Variants in MRAS observed in about 807,000 individuals in gnomAD.
MRAS encodes ras-related protein M-Ras.
Under a neutral mutation model 20.9 loss-of-function variants are expected in MRAS, and 4 were observed. The ratio of observed to expected loss-of-function variants is 0.19; its 90% confidence interval spans 0.09 to 0.44. MRAS has a LOEUF of 0.44. Ranked by LOEUF, MRAS falls within the 20% of genes least tolerant of loss-of-function variation. MRAS has a pLI of 0.99. For synonymous variants in MRAS, 98 were observed against 102.9 expected (o/e 0.95, Z 0.29); for missense variants, 154 against 277.5 (o/e 0.56, Z 3.16).
chr3:138,364,614 G>A (rs187691087), intron 1 of MRAS, among the ~76,000 whole-genome samples: 17 of 152,304 alleles, frequency 1.1e-4, no homozygotes, highest in Non-Finnish European at 1.6e-4. Flanking sequence ...GCTGGGGCAC[G>A]GACCCATATA....
intron 1 of MRAS, among the ~76,000 whole-genome samples, chr3:138,360,650 C>G (rs1215141948): frequency 6.6e-6 from 1 of 152,230 alleles, no homozygotes; most frequent in Non-Finnish European, 1.5e-5. Context: ...CTGCAGTCCT[C>G]TAGGTCCTGT....
chr3:138,397,499 G>T (rs748080077), intron 3 of MRAS, 22 bp downstream of exon 3: 84 of 1,613,408 alleles, frequency 5.2e-5, no homozygotes, highest in Non-Finnish European at 6.9e-5. Flanking sequence ...AGACAGGTGA[G>T]AGTACCGGGA....
chr3:138,348,732 C>T lies in MRAS; in HGVS notation c.-54C>T, dbSNP rs976022459. 7 of 151,620 alleles carry T rather than the reference C, an allele frequency of 4.6e-5. No individual in the cohort carries two copies. In the South Asian group the frequency reaches 1.0e-3, roughly 22 times the overall value. The allele number at this position is 151,620 out of a possible 1,614,324, so 9.4% of individuals were successfully genotyped here. A position where few individuals can be genotyped will look rare whatever the true frequency, so the allele number is the denominator to read the frequency against. On this transcript the variant is annotated 5_prime_UTR_variant, in exon 1 of 6. Transcript: ENST00000423968. ...CCGGCGCAGGCTAGGAGGGGGCGGC[C>T]TGAGTGCCGTAGCCGAGCCGGGGCT... is the stretch of plus-strand genomic sequence containing the variant.
chr3:138,391,024 A>G (rs1210888306), intron 2 of MRAS, among the ~76,000 whole-genome samples: 1 of 152,110 alleles, frequency 6.6e-6, no homozygotes, highest in African/African-American at 2.4e-5. Flanking sequence ...TTTTTCTCTG[A>G]TAAGAATTGC....
At chr3:138,393,633 A>G (rs566498042) in intron 2 of MRAS, among the ~76,000 whole-genome samples, 32 of 152,214 alleles carry the variant, frequency 2.1e-4, no homozygotes, top group African/African-American at 7.5e-4. Context: ...TTTAGATAGT[A>G]TATACCTTCA....
At chr3:138,379,223 A>G (rs1160717842) in intron 2 of MRAS, among the ~76,000 whole-genome samples, 1 of 151,574 alleles carries the variant, frequency 6.6e-6, no homozygotes, top group Non-Finnish European at 1.5e-5. Flanking sequence ...TCCACTCTCT[A>G]CCTCCATGAA....
chr3:138,372,929 CTGG>C lies in MRAS; in HGVS notation c.56_58del (p.Val19del), dbSNP rs1384235668. On this transcript the variant is annotated inframe_deletion, in exon 2 of 6. Coordinates refer to ENST00000423968, the MANE Select transcript of MRAS (RefSeq NM_001085049.3). ...CAGTGACAACCTCCCCACATACAAG[CTGG>C]TGGTGGTGGGGGATGGGGGTGTGGG... 6.4e-7 allele frequency: 1 copy of C among 1,556,070 alleles called. No homozygotes were observed. The highest frequency in any genetic ancestry group is 1.4e-5 in the African/African-American group (1 of 70,844).
chr3:138,386,402 G>C (rs1321796841), intron 2 of MRAS, among the ~76,000 whole-genome samples: 1 of 152,166 alleles, frequency 6.6e-6, no homozygotes, highest in Non-Finnish European at 1.5e-5. Context: ...ACTTAGCACA[G>C]TGTTTTACAG....
intron 2 of MRAS, among the ~76,000 whole-genome samples, chr3:138,374,667 G>T (rs934901541): frequency 1.3e-5 from 2 of 152,126 alleles, no homozygotes; most frequent in African/African-American, 4.8e-5. Context: ...GATCTTAAGG[G>T]GTAAGTGTTT....
chr3:138,397,512 A>G, intron 3 of MRAS, 35 bp downstream of exon 3: 1 of 1,611,430 alleles, frequency 6.2e-7, no homozygotes, highest in Non-Finnish European at 8.5e-7. Context: ...TACCGGGAAG[A>G]GGCCTGCGCC....
chr3:138,387,473 G>A (rs1199852147), intron 2 of MRAS, among the ~76,000 whole-genome samples: 1 of 152,206 alleles, frequency 6.6e-6, no homozygotes, highest in Admixed American at 6.5e-5. Context: ...CTTGGAATCA[G>A]ACGGGCATGG....
At chr3:138,366,921 G>A (rs746119164) in intron 1 of MRAS, among the ~76,000 whole-genome samples, 5 of 152,198 alleles carry the variant, frequency 3.3e-5, no homozygotes, top group Non-Finnish European at 7.3e-5. Context: ...GAAGCCATTC[G>A]TTTAACATGT....
At chr3:138,390,254 C>A (rs1309691867) in intron 2 of MRAS, among the ~76,000 whole-genome samples, 2 of 151,510 alleles carry the variant, frequency 1.3e-5, no homozygotes, top group Non-Finnish European at 3.0e-5. Flanking sequence ...CCCAGCAGTT[C>A]CAGGGTCTCC....
upstream of MRAS, chr3:138,347,714 T>G (rs915971399): frequency 2.0e-5 from 3 of 152,154 alleles, no homozygotes; most frequent in African/African-American, 7.2e-5. Flanking sequence ...TGCCTCAGCC[T>G]CCCGAGTAGA....
In MRAS at chr3:138,348,778, G is replaced by C. The variant is rs1456803440; in HGVS notation, c.-19+11G>C. The C allele has an allele frequency of 3.3e-5, 5 of 151,728 alleles. No individual in the cohort carries two copies. In the East Asian group the frequency reaches 5.9e-4, roughly 18 times the overall value. 9.4% of individuals were successfully genotyped at this position (151,728 alleles called of 1,614,324 possible). A position where few individuals can be genotyped will look rare whatever the true frequency, so the allele number is the denominator to read the frequency against. ...GGGCTGGAGCGCGCGGTGAGTGGTC[G>C]GGCGGCCTTGGAGGGGAGGGGGCCC... On this transcript the variant is annotated intron_variant, in intron 1 of 5. Transcript: ENST00000423968.
intron 2 of MRAS, among the ~76,000 whole-genome samples, chr3:138,382,463 G>A (rs987411439): frequency 3.3e-5 from 5 of 152,182 alleles, no homozygotes; most frequent in African/African-American, 1.2e-4. Context: ...CACTTTCCAG[G>A]TGAGCGCAGC....
intron 2 of MRAS, among the ~76,000 whole-genome samples, chr3:138,384,170 G>T (rs556509800): frequency 7.9e-4 from 121 of 152,304 alleles, no homozygotes; most frequent in African/African-American, 2.7e-3. Flanking sequence ...GTAGGTAAAT[G>T]AGAAGCCATT....
intron 1 of MRAS, among the ~76,000 whole-genome samples, chr3:138,369,859 G>C (rs1405349027): frequency 6.6e-6 from 1 of 152,166 alleles, no homozygotes. Context: ...TCTGAGTGCC[G>C]ACTCAAAGGT....
chr3:138,390,800 A>C (rs955781416), intron 2 of MRAS, among the ~76,000 whole-genome samples: 3 of 152,220 alleles, frequency 2.0e-5, no homozygotes, highest in African/African-American at 7.2e-5. Context: ...TTCCTGGGGT[A>C]GATTTTGTCC....
Sources: allele counts gnomAD v4.1 joint callset (sites outside exome capture counted in the v4.1 genomes callset), GRCh38; gene constraint gnomAD v4.1.1; transcripts MANE v1.5; gene names NCBI Gene and HGNC (gene_info 2026-07-23, HGNC 2026-07-21).